Variants in SCP2 observed in about 807,000 individuals in gnomAD.
The protein encoded by SCP2 is sterol carrier protein 2, also known as SCP-2/3-oxoacyl-CoA thiolase.
A neutral mutation model predicts 71.4 loss-of-function variants in SCP2; 48 were observed. The observed-to-expected ratio is 0.67, with a 90% CI of 0.53 to 0.86. The LOEUF (loss-of-function observed/expected upper bound fraction) is 0.86. Ranked by LOEUF, SCP2 falls within the 40% of genes least tolerant of loss-of-function variation. The pLI, the probability that SCP2 is intolerant of heterozygous loss-of-function variation, is 0.00. For synonymous variants in SCP2, 220 were observed against 218.1 expected (o/e 1.01, Z -0.08); for missense variants, 560 against 655.6 (o/e 0.85, Z 1.59).
chr1:53,043,665 A>G (rs1663583272), intron 14 of SCP2, among the ~76,000 whole-genome samples: 2 of 152,246 alleles, frequency 1.3e-5, no homozygotes, highest in African/African-American at 2.4e-5. Context: ...TGAAGTGTTC[A>G]GCATAGTGAG....
intron 11 of SCP2, among the ~76,000 whole-genome samples, chr1:53,007,484 C>T (rs559059790): frequency 2.1e-4 from 32 of 152,224 alleles, no homozygotes; most frequent in Non-Finnish European, 2.6e-4. Context: ...CACTCAAAAC[C>T]GCTCAACTAC....
chr1:52,963,554 C>G (rs922346920), intron 6 of SCP2: 2 of 152,090 alleles, frequency 1.3e-5, no homozygotes, highest in African/African-American at 4.8e-5. Flanking sequence ...AAGTTTTTGA[C>G]CAGGATGATA....
intron 1 of SCP2, among the ~76,000 whole-genome samples, chr1:52,934,098 A>T (rs1044021483): frequency 3.3e-5 from 5 of 152,242 alleles, no homozygotes; most frequent in African/African-American, 1.2e-4. Flanking sequence ...ACTTTTTTTC[A>T]TGAAACACAT....
Position 53,030,183 on chromosome 1 carries a change from C to T in SCP2, c.1338+2112C>T, listed in dbSNP as rs146627279. On this transcript the variant is annotated intron_variant, in intron 13 of 15. Coordinates refer to ENST00000371514, the MANE Select transcript of SCP2 (RefSeq NM_002979.5). ...GATTACAGGCATGAGCCATCGTGCC[C>T]GGCCGTTTACCCTCATTTTTAATAC... Among the ~76,000 whole-genome samples, 217 of 152,216 alleles carry T rather than the reference C, an allele frequency of 1.4e-3. 3 individuals carry two copies. The highest frequency in any genetic ancestry group is 5.0e-3 in the African/African-American group (206 of 41,526).
chr1:53,027,917 A>G, intron 12 of SCP2, 52 bp from the exon 13 acceptor site: 1 of 996,498 alleles, frequency 1.0e-6, no homozygotes, highest in South Asian at 1.3e-5. Flanking sequence ...TAAATGTTGA[A>G]AAACCTAGTA....
chr1:53,014,062 AT>A (rs35223104), intron 11 of SCP2, among the ~76,000 whole-genome samples: 283 of 131,380 alleles, frequency 2.2e-3, no homozygotes, highest in Middle Eastern at 3.9e-3. Flanking sequence ...CGCCCGGCTA[AT>A]TTTTTTTTTT....
chr1:53,015,114 G>A, intron 12 of SCP2, 71 bp downstream of exon 12: 2 of 1,432,204 alleles, frequency 1.4e-6, no homozygotes, highest in East Asian at 2.3e-5. Context: ...TGTTTTACAT[G>A]TAAAAATTTC....
At chr1:52,975,006 A>G (rs751846700) in intron 7 of SCP2, among the ~76,000 whole-genome samples, 174 bp downstream of exon 7, 1 of 152,134 alleles carries the variant, frequency 6.6e-6, no homozygotes, top group Non-Finnish European at 1.5e-5. Context: ...TTTCAGTTCC[A>G]GTTTTTGGCC....
At chr1:53,014,481 CATT>C (rs146429826) in intron 11 of SCP2, among the ~76,000 whole-genome samples, 2,910 of 152,288 alleles carry the variant, frequency 0.019, 78 homozygotes, top group African/African-American at 0.06. Context: ...GAAAACAACT[CATT>C]GTTGTTGGGA....
At chr1:53,035,106 A>G (rs75948848) in intron 13 of SCP2, among the ~76,000 whole-genome samples, 14,741 of 151,498 alleles carry the variant, frequency 0.097, 1,425 homozygotes, top group African/African-American at 0.21. Flanking sequence ...ACTCTGTCTC[A>G]AAGAAAAAAA....
chr1:53,012,179 G>A lies in SCP2; in HGVS notation c.1082-2711G>A, dbSNP rs188297484. Reference sequence around the variant, plus strand: ...TATCTTGTTTGACTGGGGGTCATAAGACCCCCATTCCAGAAAGGGACCTGC... The same window carrying A: ...TATCTTGTTTGACTGGGGGTCATAAAACCCCCATTCCAGAAAGGGACCTGC... On this transcript the variant is annotated intron_variant, in intron 11 of 15. Transcript: ENST00000371514. Among the ~76,000 whole-genome samples, 75 of 152,252 alleles carry A rather than the reference G, an allele frequency of 4.9e-4. 1 individual carries two copies. The highest frequency in any genetic ancestry group is 9.8e-4 in the Admixed American group (15 of 15,288).
intron 11 of SCP2, among the ~76,000 whole-genome samples, chr1:53,000,036 C>T (rs1484842142): frequency 1.3e-5 from 2 of 151,726 alleles, no homozygotes; most frequent in African/African-American, 2.4e-5. Flanking sequence ...AGGCTGGCCT[C>T]GAACTACTGA....
intron 4 of SCP2, among the ~76,000 whole-genome samples, chr1:52,951,561 A>G (rs1655312782): frequency 6.6e-6 from 1 of 151,172 alleles, no homozygotes; most frequent in Admixed American, 6.6e-5. Flanking sequence ...TCTCTAAAAA[A>G]AAAAAAAAAA....
chr1:52,951,924 G>C (rs928539719), intron 4 of SCP2, among the ~76,000 whole-genome samples: 1 of 151,904 alleles, frequency 6.6e-6, no homozygotes, highest in Non-Finnish European at 1.5e-5. Flanking sequence ...TCACTATGTT[G>C]GCCAGGCTGG....
chr1:52,927,600 C>T, intron 1 of SCP2, 135 bp downstream of exon 1: 1 of 706,204 alleles, frequency 1.4e-6, no homozygotes. Flanking sequence ...GTGGCTTGTA[C>T]TCTGCGGAAT....
At chr1:52,961,125 C>T (rs1261763428) in intron 5 of SCP2, among the ~76,000 whole-genome samples, 6 of 141,226 alleles carry the variant, frequency 4.2e-5, no homozygotes, top group African/African-American at 1.1e-4. Flanking sequence ...ATGTGCACAA[C>T]GTGCAGGTTT....
intron 11 of SCP2, among the ~76,000 whole-genome samples, chr1:53,005,507 C>G (rs1379546277): frequency 6.6e-6 from 1 of 152,184 alleles, no homozygotes; most frequent in East Asian, 1.9e-4. Flanking sequence ...CCCAGGCAAA[C>G]AGGGTCTGGA....
At chr1:52,982,292 A>T (rs567133700) in intron 10 of SCP2, among the ~76,000 whole-genome samples, 4 of 152,180 alleles carry the variant, frequency 2.6e-5, no homozygotes, top group South Asian at 2.1e-4. Flanking sequence ...CCCAGTTGGC[A>T]GGGCGCGGTG....
intron 10 of SCP2, among the ~76,000 whole-genome samples, chr1:52,981,778 A>G (rs928610310): frequency 1.3e-5 from 2 of 150,016 alleles, no homozygotes; most frequent in Admixed American, 6.7e-5. Flanking sequence ...TATTTTATAT[A>G]TATATAAAAT....
Sources: allele counts gnomAD v4.1 joint callset (sites outside exome capture counted in the v4.1 genomes callset), GRCh38; gene constraint gnomAD v4.1.1; transcripts MANE v1.5; gene names NCBI Gene and HGNC (gene_info 2026-07-23, HGNC 2026-07-21).